The following IQGAP2 variants were observed in gnomAD, a reference collection of about 807,000 sequenced individuals.
The protein encoded by IQGAP2 is IQ motif containing GTPase activating protein 2.
Under a neutral mutation model 201.3 loss-of-function variants are expected in IQGAP2, and 173 were observed. That is an observed-to-expected ratio of 0.86 (90% CI 0.76 to 0.98). IQGAP2 has a LOEUF of 0.98. Ranked by LOEUF, IQGAP2 falls within the 50% of genes least tolerant of loss-of-function variation. The pLI, the probability that IQGAP2 is intolerant of heterozygous loss-of-function variation, is 0.00. For missense variants in IQGAP2, 1,687 were observed against 1,864.8 expected, an observed-to-expected ratio of 0.90 and a Z score of 1.76; for synonymous variants, 675 against 673.9, an observed-to-expected ratio of 1.00 and a Z score of -0.03.
At chr5:76,645,196 T>C (rs1046329745) in intron 17 of IQGAP2, among the ~76,000 whole-genome samples, 1 of 151,634 alleles carries the variant, frequency 6.6e-6, no homozygotes, top group African/African-American at 2.4e-5. Context: ...TTTTTATGGC[T>C]GCATAGTATT....
chr5:76,676,059 T>TGACAGGGTAA (rs1373867238), intron 27 of IQGAP2, among the ~76,000 whole-genome samples: 1 of 145,872 alleles, frequency 6.9e-6, no homozygotes, highest in East Asian at 2.0e-4. Flanking sequence ...CCAGCCCAGG[T>TGACAGGGTAA]GACAGGGTAA....
intron 17 of IQGAP2, 22 bp downstream of exon 17, chr5:76,641,125 G>C (rs368833539): frequency 6.6e-7 from 1 of 1,517,722 alleles, no homozygotes. Flanking sequence ...ACCTGCCACT[G>C]TTTACACAAA....
intron 2 of IQGAP2, among the ~76,000 whole-genome samples, chr5:76,556,467 AAAG>A (rs1312800764): frequency 6.6e-6 from 1 of 152,162 alleles, no homozygotes; most frequent in African/African-American, 2.4e-5. Flanking sequence ...TTTTCATTAA[AAAG>A]AAGAACCTTA....
intron 10 of IQGAP2, among the ~76,000 whole-genome samples, chr5:76,599,023 A>G (rs1036013576): frequency 6.6e-6 from 1 of 152,198 alleles, no homozygotes; most frequent in African/African-American, 2.4e-5. Context: ...AATTTAAAAT[A>G]CATAAAAGGA....
At chr5:76,638,733 C>T (rs1013715457) in intron 16 of IQGAP2, among the ~76,000 whole-genome samples, 1 of 152,208 alleles carries the variant, frequency 6.6e-6, no homozygotes, top group African/African-American at 2.4e-5. Flanking sequence ...TTTGCATAAT[C>T]ATGGCTTTGT....
chr5:76,662,986 G>A (rs1425796651), intron 21 of IQGAP2, among the ~76,000 whole-genome samples: 1 of 152,198 alleles, frequency 6.6e-6, no homozygotes, highest in East Asian at 1.9e-4. Flanking sequence ...AACAGATGTA[G>A]CCACATGGAA....
chr5:76,524,831 A>T (rs934497275), intron 2 of IQGAP2, among the ~76,000 whole-genome samples: 4 of 152,220 alleles, frequency 2.6e-5, no homozygotes, highest in Non-Finnish European at 4.4e-5. Flanking sequence ...AAGATTCGTT[A>T]TTTAAAATCT....
chr5:76,587,411 G>A (rs1746325345), intron 5 of IQGAP2, among the ~76,000 whole-genome samples: 1 of 152,138 alleles, frequency 6.6e-6, no homozygotes, highest in Non-Finnish European at 1.5e-5. Flanking sequence ...ATTTGCCATA[G>A]TTATTAATTA....
intron 2 of IQGAP2, among the ~76,000 whole-genome samples, chr5:76,520,700 CTTTTTTT>C (rs5868829): frequency 9.2e-6 from 1 of 109,238 alleles, no homozygotes; most frequent in Non-Finnish European, 1.7e-5. Flanking sequence ...GGTCTCTCCT[CTTTTTTT>C]TTTTTTTTTT....
At chr5:76,575,543 C>T in intron 4 of IQGAP2, 150 bp from the exon 5 acceptor site, 2 of 488,212 alleles carry the variant, frequency 4.1e-6, no homozygotes. Flanking sequence ...TGGTCTATCT[C>T]TACAGCAAGA....
At chr5:76,454,615 C>T (rs1271081148) in intron 1 of IQGAP2, among the ~76,000 whole-genome samples, 1 of 151,902 alleles carries the variant, frequency 6.6e-6, no homozygotes, top group Non-Finnish European at 1.5e-5. Context: ...CTACAAAGGA[C>T]ATGAACTCAT....
rs11424254 is a variant in IQGAP2 at position 76,689,230 on chromosome 5, TAAAAAA to T, written c.3906-4104_3906-4099del. On this transcript the variant is annotated intron_variant, in intron 30 of 35. Transcript: ENST00000274364. ...TAATACTACCAAGCACAGGGATATTTAAAAAAAAAAAAAAAAAAAAAAAAAACCTGG... is the reference window on the plus strand; with the variant it reads ...TAATACTACCAAGCACAGGGATATTTAAAAAAAAAAAAAAAAAAAACCTGG... Among the ~76,000 whole-genome samples, 824 of 86,506 alleles carry T rather than the reference TAAAAAA, an allele frequency of 9.5e-3. 25 individuals are homozygous for T. Among genetic ancestry groups the T allele is most frequent in the Admixed American group, 0.066 (441 of 6,646 alleles). The allele number at this position is 86,506 out of a possible 152,430, so 56.8% of individuals were successfully genotyped here.
chr5:76,707,264 A>C lies in IQGAP2; in HGVS notation c.4679A>C (p.Asn1560Thr). Residue 1560 changes from asparagine to threonine, a missense_variant, in exon 36 of 36, where the codon AAT (asparagine) becomes ACT (threonine). Asn to Thr is a moderately conservative substitution (Grantham distance 65). Coordinates refer to ENST00000274364, the MANE Select transcript of IQGAP2 (RefSeq NM_006633.5). ...VMKMFDKVKVNVNLLIYLLNK... is the reference protein window; with the variant it reads ...VMKMFDKVKVTVNLLIYLLNK... ...AAAATGTTTGATAAGGTTAAAGTGA[A>C]TGTAAACCTTCTCATATACCTGCTG... 1 of 1,587,032 alleles carries C rather than the reference A, an allele frequency of 6.3e-7. No homozygotes were observed. The highest frequency in any genetic ancestry group is 1.1e-5 in the South Asian group (1 of 90,516).
At chr5:76,463,908 C>T (rs185888410) in intron 2 of IQGAP2, among the ~76,000 whole-genome samples, 374 of 150,602 alleles carry the variant, frequency 2.5e-3, no homozygotes, top group African/African-American at 8.4e-3. Flanking sequence ...ACTGCAGTGG[C>T]GGGATCTCAG....
At chr5:76,684,336 T>C (rs1745553721) in intron 30 of IQGAP2, among the ~76,000 whole-genome samples, 1 of 152,220 alleles carries the variant, frequency 6.6e-6, no homozygotes, top group Admixed American at 6.5e-5. Flanking sequence ...TGATAGCATC[T>C]GATTTATTGG....
chr5:76,618,084 G>A (rs1250177973), intron 13 of IQGAP2: 2 of 1,614,176 alleles, frequency 1.2e-6, no homozygotes, highest in African/African-American at 1.3e-5. Context: ...CAAGGCATAG[G>A]TGTGCTTGGG....
chr5:76,623,566 A>T (rs1465607372), intron 13 of IQGAP2: 1 of 244,120 alleles, frequency 4.1e-6, no homozygotes, highest in Non-Finnish European at 7.9e-6. Flanking sequence ...AAAGAATGGC[A>T]GAAATTACAC....
intron 9 of IQGAP2, among the ~76,000 whole-genome samples, chr5:76,596,797 C>T (rs1237135177): frequency 6.6e-6 from 1 of 152,204 alleles, no homozygotes; most frequent in East Asian, 1.9e-4. Context: ...CCAGATCCCT[C>T]CTCCAACATT....
chr5:76,555,699 C>CT (rs897094352), intron 2 of IQGAP2, among the ~76,000 whole-genome samples: 2 of 151,946 alleles, frequency 1.3e-5, no homozygotes, highest in Admixed American at 1.3e-4. Flanking sequence ...TGCTGCTTTT[C>CT]TTTTTTTTAA....
Sources: gnomAD v4.1 joint callset for allele counts (sites outside exome capture counted in the v4.1 genomes callset) on GRCh38, gnomAD v4.1.1 for gene constraint, MANE v1.5 for transcripts, NCBI Gene and HGNC (gene_info 2026-07-23, HGNC 2026-07-21) for gene names.